PRDM1: variants seen among roughly 807,000 people sequenced by gnomAD.
PRDM1 encodes PR/SET domain 1, also known as PR domain zinc finger protein 1.
In PRDM1, 13 loss-of-function variants were observed where a neutral mutation model predicts 62.8. That is an observed-to-expected ratio of 0.21 (90% CI 0.13 to 0.33). PRDM1 has a LOEUF of 0.33. Among genes scored for constraint, PRDM1 ranks in the 10% least tolerant of loss-of-function variants. The probability of loss-of-function intolerance (pLI) is 1.00; values close to 1 mark genes in which losing one functional copy is unlikely to be tolerated. For synonymous variants in PRDM1, 396 were observed against 417.6 expected (o/e 0.95, Z 0.63); for missense variants, 895 against 1,058.8 (o/e 0.85, Z 2.15).
chr6:106,071,481 C>T (rs1484367674), intron 1 of PRDM1, among the ~76,000 whole-genome samples: 2 of 152,064 alleles, frequency 1.3e-5, no homozygotes, highest in African/African-American at 4.8e-5. Context: ...CACTTCCCAT[C>T]GATTTTGCAT....
upstream of PRDM1, among the ~76,000 whole-genome samples, chr6:106,048,369 A>G (rs917806601): frequency 6.6e-6 from 1 of 152,096 alleles, no homozygotes; most frequent in African/African-American, 2.4e-5. Context: ...CCTGGGCAAC[A>G]GAGACAGTGT....
chr6:106,015,280 C>T (rs1281380901), intron 1 of PRDM1, among the ~76,000 whole-genome samples: 1 of 152,176 alleles, frequency 6.6e-6, no homozygotes, highest in Non-Finnish European at 1.5e-5. Context: ...TCTTCCTCCT[C>T]TTTTCTTTCC....
At chr6:106,103,131 C>A (rs972304922) in intron 4 of PRDM1, among the ~76,000 whole-genome samples, 2 of 152,028 alleles carry the variant, frequency 1.3e-5, no homozygotes. Context: ...CCATCACGGC[C>A]CCCCCGTCAG....
chr6:106,029,729 C>A (rs1376166906), intron 1 of PRDM1, among the ~76,000 whole-genome samples: 1 of 152,132 alleles, frequency 6.6e-6, no homozygotes, highest in East Asian at 1.9e-4. Flanking sequence ...ACCTCAGCCT[C>A]CCTAGTAGCT....
intron 1 of PRDM1, among the ~76,000 whole-genome samples, chr6:106,005,088 A>C (rs1190296894): frequency 6.6e-6 from 1 of 152,220 alleles, no homozygotes; most frequent in Admixed American, 6.5e-5. Context: ...TAAGGCTGAA[A>C]GAATGACACA....
intron 1 of PRDM1, among the ~76,000 whole-genome samples, chr6:106,068,450 T>A (rs1412487904): frequency 6.6e-6 from 1 of 152,192 alleles, no homozygotes; most frequent in East Asian, 1.9e-4. Flanking sequence ...CTTACATATG[T>A]TTGTCTGTGT....
chr6:106,073,232 G>A (rs1336587936), intron 1 of PRDM1, among the ~76,000 whole-genome samples: 6 of 150,966 alleles, frequency 4.0e-5, no homozygotes, highest in African/African-American at 4.9e-5. Flanking sequence ...CTTCTGCCTC[G>A]GCCTCCCGAG....
At chr6:106,022,600 T>G (rs1420321754) in intron 1 of PRDM1, among the ~76,000 whole-genome samples, 1 of 152,104 alleles carries the variant, frequency 6.6e-6, no homozygotes, top group Admixed American at 6.6e-5. Flanking sequence ...AATTTTTGTA[T>G]TTTTAGTAGA....
chr6:106,092,407 G>A (rs1582464617), intron 2 of PRDM1, among the ~76,000 whole-genome samples: 1 of 152,198 alleles, frequency 6.6e-6, no homozygotes, highest in Non-Finnish European at 1.5e-5. Context: ...TATTGAAGCC[G>A]GGTGTCCTCT....
At chr6:106,084,627 G>A (rs1773755791), upstream of PRDM1, among the ~76,000 whole-genome samples, 1 of 152,176 alleles carries the variant, frequency 6.6e-6, no homozygotes, top group African/African-American at 2.4e-5. Flanking sequence ...TTGAACAGCA[G>A]GCCAGCCTTC....
chr6:106,028,997 T>G (rs1562148062), intron 1 of PRDM1, among the ~76,000 whole-genome samples: 1 of 151,336 alleles, frequency 6.6e-6, no homozygotes, highest in Non-Finnish European at 1.5e-5. Flanking sequence ...CTCGGCTCAT[T>G]GCAACCTCCA....
chr6:106,063,806 A>T (rs1484203641), intron 1 of PRDM1, among the ~76,000 whole-genome samples: 2 of 152,178 alleles, frequency 1.3e-5, no homozygotes, highest in African/African-American at 4.8e-5. Context: ...TTCCCCTTGT[A>T]TGCGAGTCTT....
chr6:106,064,475 C>T (rs1294850882), intron 1 of PRDM1, among the ~76,000 whole-genome samples: 1 of 152,130 alleles, frequency 6.6e-6, no homozygotes, highest in Non-Finnish European at 1.5e-5. Context: ...TGACTCAAAC[C>T]TGATGTTTTG....
rs537424607 is a variant in PRDM1 at position 106,020,623 on chromosome 6, C to G, written c.-67+26984C>G. On this transcript the variant is annotated intron_variant, in intron 1 of 6. Coordinates refer to the PRDM1 transcript ENST00000652320. ...TGGATCCAGTCCACGTCTACAAAAC[C>G]TCTAAGTGTTCTTTGTATTCTATTA... 4.7e-4 allele frequency among the ~76,000 whole-genome samples: 72 copies of G among 152,294 alleles called. No homozygotes were observed. In the South Asian group the frequency reaches 0.014, roughly 29 times the overall value.
intron 1 of PRDM1, among the ~76,000 whole-genome samples, chr6:106,015,862 C>T (rs1772612806): frequency 6.6e-6 from 1 of 151,686 alleles, no homozygotes; most frequent in South Asian, 2.1e-4. Flanking sequence ...CCATTTTAAC[C>T]ATCTTCAAGT....
chr6:106,004,498 A>G (rs1772461838), intron 1 of PRDM1, among the ~76,000 whole-genome samples: 3 of 152,210 alleles, frequency 2.0e-5, no homozygotes, highest in Admixed American at 2.0e-4. Context: ...CTTTGCAAAT[A>G]TTTACAGGCT....
At chr6:106,092,187 G>A (rs1008311039) in intron 2 of PRDM1, among the ~76,000 whole-genome samples, 5 of 149,494 alleles carry the variant, frequency 3.3e-5, no homozygotes, top group African/African-American at 7.4e-5. Flanking sequence ...TCCATTAAGC[G>A]CTCCAACTCA....
rs750167641 is a variant in PRDM1, at chr6:106,104,966, C to G, written c.806C>G (p.Ser269Cys). The G allele has an allele frequency of 1.9e-6, 3 of 1,614,022 alleles. No homozygotes were observed. The East Asian group carries it at 6.7e-5, about 36-fold the overall frequency. Residue 269 changes from serine (S) to cysteine (C), a missense_variant, in exon 5 of 7, where the codon TCT becomes TGT. By Grantham distance (112) the Ser-to-Cys change is moderately radical. This residue lies in a region of PRDM1 where 444 missense variants were observed against 422.7 expected (regional missense o/e 1.05). Coordinates refer to ENST00000369096, the MANE Select transcript of PRDM1 (RefSeq NM_001198.4). ...TCCAAAGGAAAGGACCTCTACCGTT[C>G]TAACATTTCACCCCTCACATCAGAA... ...NPSKGKDLYR[S>C]NISPLTSEKD...
intron 2 of PRDM1, among the ~76,000 whole-genome samples, chr6:106,092,780 T>C (rs1773998851): frequency 6.6e-6 from 1 of 152,336 alleles, no homozygotes; most frequent in East Asian, 1.9e-4. Flanking sequence ...TCAGCTTTTA[T>C]GGCGTCTGTG....
Sources: gnomAD v4.1 joint callset for allele counts (sites outside exome capture counted in the v4.1 genomes callset) on GRCh38, gnomAD v4.1.1 for gene constraint, gnomAD v4.1.1 regional missense constraint, MANE v1.5 for transcripts, NCBI Gene and HGNC (gene_info 2026-07-23, HGNC 2026-07-21) for gene names.